Variants in COL21A1 observed in about 807,000 individuals in gnomAD.
The protein encoded by COL21A1 is collagen type XXI alpha 1 chain.
A neutral mutation model predicts 137.9 loss-of-function variants in COL21A1; 149 were observed. The ratio of observed to expected loss-of-function variants is 1.08; its 90% confidence interval spans 0.95 to 1.24. COL21A1 has a LOEUF of 1.24. Ranked by LOEUF, COL21A1 falls within the 50% of genes most tolerant of loss-of-function variation. The probability of loss-of-function intolerance (pLI) is 0.00; values close to 1 mark genes in which losing one functional copy is unlikely to be tolerated. For missense variants in COL21A1, 1,167 were observed against 1,158.4 expected (o/e 1.01, Z -0.11); for synonymous variants, 456 against 391.5 (o/e 1.16, Z -1.95).
intron 1 of COL21A1, among the ~76,000 whole-genome samples, chr6:56,271,485 G>A (rs1156955861): frequency 2.6e-5 from 4 of 152,212 alleles, no homozygotes; most frequent in African/African-American, 9.6e-5. Context: ...GTTTAAAAGG[G>A]AAGCAGAGCA....
chr6:56,127,861 CT>C (rs1773174315), intron 12 of COL21A1, among the ~76,000 whole-genome samples: 1 of 152,154 alleles, frequency 6.6e-6, no homozygotes, highest in Non-Finnish European at 1.5e-5. Context: ...AAGTATTATG[CT>C]ATTATACACT....
At chr6:56,247,038 C>G (rs946590045) in intron 1 of COL21A1, among the ~76,000 whole-genome samples, 15 of 152,202 alleles carry the variant, frequency 9.9e-5, no homozygotes, top group African/African-American at 3.6e-4. Flanking sequence ...CGTGTGGACG[C>G]TGGAGACCCT....
intron 10 of COL21A1, among the ~76,000 whole-genome samples, chr6:56,142,404 T>C (rs945574738): frequency 2.0e-5 from 3 of 152,306 alleles, no homozygotes; most frequent in Middle Eastern, 3.4e-3. Flanking sequence ...AATAAATTAA[T>C]CTTTAATTAA....
At chr6:56,275,967 C>A (rs1763637435) in intron 1 of COL21A1, among the ~76,000 whole-genome samples, 1 of 152,152 alleles carries the variant, frequency 6.6e-6, no homozygotes, top group Non-Finnish European at 1.5e-5. Flanking sequence ...GACATGGAAT[C>A]AATCTAGTGC....
intron 14 of COL21A1, among the ~76,000 whole-genome samples, chr6:56,124,688 C>CTGGA (rs1772866323): frequency 6.6e-6 from 1 of 152,160 alleles, no homozygotes; most frequent in Admixed American, 6.5e-5. Context: ...GTTGCCCAGG[C>CTGGA]TGGAGTGCAG....
At position 56,124,118 on chromosome 6, in the gene COL21A1, A is replaced by G. The variant is rs1233478153; in HGVS notation, c.1705-3T>C. On this transcript the variant is annotated splice_polypyrimidine_tract_variant and splice_region_variant and intron_variant, in intron 15 of 29. Coordinates refer to ENST00000244728, the MANE Select transcript of COL21A1 (RefSeq NM_030820.4). ...TTTCCATGTCTTCCTGGTTCTCCCTAAAAAATAAATACATATGCTTTAATA... is the reference window on the plus strand; with the variant it reads ...TTTCCATGTCTTCCTGGTTCTCCCTGAAAAATAAATACATATGCTTTAATA... The G allele has an allele frequency of 1.3e-6, 2 of 1,540,360 alleles. No individual in the cohort carries two copies. Among genetic ancestry groups the G allele is most frequent in the African/African-American group, 2.8e-5 (2 of 72,386 alleles).
chr6:56,269,516 G>C (rs867562790), intron 1 of COL21A1, among the ~76,000 whole-genome samples: 3 of 151,128 alleles, frequency 2.0e-5, no homozygotes, highest in South Asian at 2.1e-4. Context: ...TTAGCCGGGC[G>C]TAGTGGCGGG....
chr6:56,061,204 G>A (rs1476661219), intron 25 of COL21A1, 167 bp from the exon 26 acceptor site: 1 of 621,050 alleles, frequency 1.6e-6, no homozygotes, highest in Non-Finnish European at 2.7e-6. Context: ...GAAATTTCAT[G>A]TCATATTAAA....
chr6:56,232,373 T>C (rs556003422), intron 1 of COL21A1, among the ~76,000 whole-genome samples: 1 of 152,036 alleles, frequency 6.6e-6, no homozygotes, highest in Non-Finnish European at 1.5e-5. Context: ...TGTGACAAAG[T>C]GAATTACAAA....
At chr6:56,071,431 T>C (rs1330161067) in intron 20 of COL21A1, among the ~76,000 whole-genome samples, 1 of 151,560 alleles carries the variant, frequency 6.6e-6, no homozygotes, top group Non-Finnish European at 1.5e-5. Flanking sequence ...TTGTCAAATG[T>C]AGTTCTGGTT....
chr6:56,358,291 T>C (rs1765883488), intron 1 of COL21A1, among the ~76,000 whole-genome samples: 2 of 152,100 alleles, frequency 1.3e-5, no homozygotes, highest in African/African-American at 4.8e-5. Context: ...CCAAATCTGA[T>C]TGAATCAAAT....
intron 1 of COL21A1, among the ~76,000 whole-genome samples, chr6:56,336,679 C>G (rs1007115773): frequency 6.6e-6 from 1 of 152,118 alleles, no homozygotes; most frequent in African/African-American, 2.4e-5. Flanking sequence ...TATGTGAAAA[C>G]AGTTTTTCTT....
At position 56,171,079 on chromosome 6, in the gene COL21A1, T is replaced by C. The variant is rs1281783577; in HGVS notation, c.690A>G (p.Gly230=). 1 of 1,608,726 alleles carries C rather than the reference T, an allele frequency of 6.2e-7. No individual in the cohort carries two copies. Among genetic ancestry groups the C allele is most frequent in the African/African-American group, 1.3e-5 (1 of 74,734 alleles). ...CATCTAAACCTAAAAGAATATCAAA[T>C]CCCCTTTCATCACGAGCTGCCACTG... ...RIPVAARDER[G]FDILLGLDVN... The change falls in exon 4 of 30, where the codon GGA becomes GGG. Residue 230 remains glycine (G), a synonymous_variant. Transcript: ENST00000244728.
intron 16 of COL21A1, among the ~76,000 whole-genome samples, chr6:56,116,581 T>G (rs1377765373): frequency 6.6e-6 from 1 of 151,710 alleles, no homozygotes; most frequent in Non-Finnish European, 1.5e-5. Context: ...GAAAAGAACA[T>G]TAATGAGCTA....
intron 1 of COL21A1, among the ~76,000 whole-genome samples, chr6:56,236,366 A>G (rs1321812931): frequency 6.6e-6 from 1 of 152,062 alleles, no homozygotes; most frequent in Admixed American, 6.6e-5. Context: ...CCTAAAATAG[A>G]AAGTTTCCCA....
intron 12 of COL21A1, among the ~76,000 whole-genome samples, chr6:56,138,159 A>T (rs1335333002): frequency 6.6e-6 from 1 of 152,124 alleles, no homozygotes. Flanking sequence ...GTTTTCTGAA[A>T]ACCCGATTGT....
chr6:56,115,780 C>A (rs902423860), intron 16 of COL21A1, among the ~76,000 whole-genome samples: 17 of 152,052 alleles, frequency 1.1e-4, no homozygotes, highest in South Asian at 4.2e-4. Flanking sequence ...TCAAGATATG[C>A]AGAGAAGGAA....
intron 16 of COL21A1, among the ~76,000 whole-genome samples, chr6:56,110,313 T>A: frequency 6.7e-6 from 1 of 148,654 alleles, no homozygotes. Flanking sequence ...AAAAGAAAAC[T>A]CTCAATAGAC....
At chr6:56,342,942 T>C (rs1165174694) in intron 1 of COL21A1, among the ~76,000 whole-genome samples, 1 of 152,184 alleles carries the variant, frequency 6.6e-6, no homozygotes, top group Non-Finnish European at 1.5e-5. Flanking sequence ...GGTAAGAGAC[T>C]CTCCTGTTAC....
Sources: gnomAD v4.1 joint callset for allele counts (sites outside exome capture counted in the v4.1 genomes callset) on GRCh38, gnomAD v4.1.1 for gene constraint, MANE v1.5 for transcripts, NCBI Gene and HGNC (gene_info 2026-07-23, HGNC 2026-07-21) for gene names.